The following ABCC4 variants were observed in gnomAD, a reference collection of about 807,000 sequenced individuals.
ABCC4 encodes the protein ATP-binding cassette sub-family C member 4.
ABCC4 carries 102 observed loss-of-function variants against 168.5 expected under a neutral mutation model. The observed-to-expected ratio is 0.61, with a 90% CI of 0.52 to 0.71. The LOEUF (loss-of-function observed/expected upper bound fraction) is 0.71, where lower values mean the gene tolerates loss of function less well. Among genes scored for constraint, ABCC4 ranks in the 30% least tolerant of loss-of-function variants. ABCC4 has a pLI of 0.00. For missense variants in ABCC4, 1,402 were observed against 1,605.8 expected (o/e 0.87, Z 2.17); for synonymous variants, 617 against 590.7 (o/e 1.04, Z -0.65).
chr13:95,141,838 G>A (rs980768119), intron 19 of ABCC4, among the ~76,000 whole-genome samples: 1 of 152,162 alleles, frequency 6.6e-6, no homozygotes, highest in African/African-American at 2.4e-5. Flanking sequence ...TGGGCTCAAG[G>A]GATCATCCTG....
intron 4 of ABCC4, among the ~76,000 whole-genome samples, chr13:95,228,285 T>C (rs930211240): frequency 1.3e-5 from 2 of 152,014 alleles, no homozygotes; most frequent in Non-Finnish European, 2.9e-5. Flanking sequence ...GTGCATTTAT[T>C]TTTTTTACTT....
chr13:95,253,029 C>T lies in ABCC4; in HGVS notation c.75-5276G>A, dbSNP rs2040305350. Among the ~76,000 whole-genome samples the T allele has an allele frequency of 2.0e-5, 3 of 152,330 alleles. No individual in the cohort carries two copies. The South Asian group carries it at 6.2e-4, about 32-fold the overall frequency. On this transcript the variant is annotated intron_variant, in intron 1 of 30. Transcript: ENST00000645237. The stretch of plus-strand genomic sequence containing the variant: ...ACTTCTAATCTTGGTATCTTTAAAT[C>T]TGAATGCCTTTTATTCCTCATTCAG...
chr13:95,039,080 T>G (rs986805625), intron 29 of ABCC4, among the ~76,000 whole-genome samples: 17 of 152,240 alleles, frequency 1.1e-4, no homozygotes, highest in African/African-American at 4.1e-4. Context: ...GAAAAAATGC[T>G]AAGAATAGAA....
intron 3 of ABCC4, among the ~76,000 whole-genome samples, chr13:95,238,210 A>AAG (rs2039831058): frequency 1.3e-5 from 2 of 151,746 alleles, no homozygotes; most frequent in South Asian, 4.2e-4. Context: ...AAAAAAAAAA[A>AAG]AAAAAAGAAA....
intron 1 of ABCC4, among the ~76,000 whole-genome samples, chr13:95,266,947 G>A (rs2040697023): frequency 7.0e-6 from 1 of 141,888 alleles, no homozygotes; most frequent in Non-Finnish European, 1.5e-5. Context: ...TCAGCTCACT[G>A]CAACCTCCAC....
intron 19 of ABCC4, among the ~76,000 whole-genome samples, chr13:95,128,684 C>T (rs137863059): frequency 1.7e-3 from 263 of 152,306 alleles, no homozygotes; most frequent in African/African-American, 5.4e-3. Flanking sequence ...TTTCCCTAGA[C>T]GCAGACGATT....
At chr13:95,024,206 CAAAAA>C (rs71207428) in intron 30 of ABCC4, among the ~76,000 whole-genome samples, 2 of 43,944 alleles carry the variant, frequency 4.6e-5, no homozygotes, top group Non-Finnish European at 1.0e-4. Flanking sequence ...GAGACTGTCT[CAAAAA>C]AAAAAAAAAA....
rs112521253 is a variant in ABCC4 at position 95,240,578 on chromosome 13, G to T, written c.307-5744C>A. The stretch of plus-strand genomic sequence containing the variant: ...CACACACACACACACATCTTCAGAG[G>T]GGGCAGTGAGCAGGGCTTCATAAAA... On this transcript the variant is annotated intron_variant, in intron 3 of 30. Coordinates refer to ENST00000645237, the MANE Select transcript of ABCC4 (RefSeq NM_005845.5). Among the ~76,000 whole-genome samples, 731 of 151,850 alleles carry T rather than the reference G, an allele frequency of 4.8e-3. 10 individuals are homozygous for T. The highest frequency in any genetic ancestry group is 0.017 in the African/African-American group (684 of 41,384).
intron 20 of ABCC4, among the ~76,000 whole-genome samples, chr13:95,105,695 G>A (rs1247089758): frequency 1.3e-5 from 2 of 152,150 alleles, no homozygotes; most frequent in Non-Finnish European, 2.9e-5. Flanking sequence ...CCTCGGCACT[G>A]CTGGACACTG....
intron 11 of ABCC4, among the ~76,000 whole-genome samples, chr13:95,180,759 C>T (rs751348673): frequency 6.6e-6 from 1 of 152,114 alleles, no homozygotes; most frequent in African/African-American, 2.4e-5. Flanking sequence ...TTTTCATTCT[C>T]AAAATAGCAT....
chr13:95,096,481 C>T (rs951713722), intron 20 of ABCC4, among the ~76,000 whole-genome samples: 17 of 152,022 alleles, frequency 1.1e-4, no homozygotes, highest in African/African-American at 3.4e-4. Flanking sequence ...TATATTGAAG[C>T]TCATTAATCC....
At chr13:95,050,298 T>A (rs1325081518) in intron 27 of ABCC4, among the ~76,000 whole-genome samples, 2 of 152,210 alleles carry the variant, frequency 1.3e-5, no homozygotes, top group East Asian at 1.9e-4. Flanking sequence ...CCAGCCTCCA[T>A]CAACTTGTAG....
At position 95,062,872 on chromosome 13, in the gene ABCC4, C is replaced by A. The variant is rs1465302155; in HGVS notation, c.3211-13G>T. 2.0e-5 allele frequency: 31 copies of A among 1,558,390 alleles called. No individual in the cohort carries two copies. Among genetic ancestry groups the A allele is most frequent in the Non-Finnish European group, 2.5e-5 (29 of 1,161,338 alleles). ...CCACAATGCCAACCTACAGAGAGATCCAGGCGGCAGGATTAAAAAAAAAAA... is the reference window on the plus strand; with the variant it reads ...CCACAATGCCAACCTACAGAGAGATACAGGCGGCAGGATTAAAAAAAAAAA... On this transcript the variant is annotated splice_polypyrimidine_tract_variant and intron_variant, in intron 25 of 30. Transcript: ENST00000645237.
At chr13:95,112,052 G>T (rs1438916913) in intron 20 of ABCC4, among the ~76,000 whole-genome samples, 1 of 152,094 alleles carries the variant, frequency 6.6e-6, no homozygotes, top group Non-Finnish European at 1.5e-5. Flanking sequence ...GAATGCTCTG[G>T]ATTAAAAAGG....
At chr13:95,083,012 G>T (rs188942432) in intron 21 of ABCC4, 128 bp downstream of exon 21, 110 of 1,059,722 alleles carry the variant, frequency 1.0e-4, no homozygotes, top group Non-Finnish European at 1.4e-4. Context: ...TGGCCAATAC[G>T]TTCAATTACC....
intron 19 of ABCC4, among the ~76,000 whole-genome samples, chr13:95,137,712 C>T (rs148794449): frequency 2.6e-4 from 40 of 152,286 alleles, no homozygotes; most frequent in African/African-American, 9.6e-4. Flanking sequence ...CCATCCAGAA[C>T]ACTCCTTAAA....
chr13:95,087,496 A>G (rs1434628469), intron 20 of ABCC4, among the ~76,000 whole-genome samples: 1 of 152,248 alleles, frequency 6.6e-6, no homozygotes, highest in Non-Finnish European at 1.5e-5. Flanking sequence ...TCAAAAAAAA[A>G]TAAAACCTAC....
intron 20 of ABCC4, among the ~76,000 whole-genome samples, chr13:95,094,247 T>C (rs2034521283): frequency 6.6e-6 from 1 of 151,544 alleles, no homozygotes; most frequent in Non-Finnish European, 1.5e-5. Flanking sequence ...ACAGAACAAA[T>C]CTGGAGGCAT....
chr13:95,261,531 A>G (rs1387371308), intron 1 of ABCC4, among the ~76,000 whole-genome samples: 1 of 152,220 alleles, frequency 6.6e-6, no homozygotes, highest in Non-Finnish European at 1.5e-5. Context: ...TCCACAAAAC[A>G]TATCTTAAAT....
Sources: gnomAD v4.1 joint callset for allele counts (sites outside exome capture counted in the v4.1 genomes callset) on GRCh38, gnomAD v4.1.1 for gene constraint, MANE v1.5 for transcripts, NCBI Gene and HGNC (gene_info 2026-07-23, HGNC 2026-07-21) for gene names.